SGK3: variants seen among roughly 807,000 people sequenced by gnomAD.
SGK3 encodes the protein serum/glucocorticoid regulated kinase family member 3, also known as serine/threonine-protein kinase Sgk3.
In SGK3, 47 loss-of-function variants were observed where a neutral mutation model predicts 68.5. That is an observed-to-expected ratio of 0.69 (90% CI 0.54 to 0.87). The LOEUF is 0.87. Ranked by LOEUF, SGK3 falls within the 40% of genes least tolerant of loss-of-function variation. SGK3 has a pLI of 0.00. For synonymous variants in SGK3, 181 were observed against 189.1 expected (o/e 0.96, Z 0.35); for missense variants, 479 against 575.5 (o/e 0.83, Z 1.72).
chr8:66,796,352 T>A (rs1296567627), intron 2 of SGK3, among the ~76,000 whole-genome samples: 12 of 137,722 alleles, frequency 8.7e-5, no homozygotes, highest in Non-Finnish European at 1.2e-4. Flanking sequence ...TTTTTTTTTT[T>A]AGAAGGGACT....
At chr8:66,834,184 A>G (rs952733897) in intron 8 of SGK3, among the ~76,000 whole-genome samples, 2 of 152,254 alleles carry the variant, frequency 1.3e-5, no homozygotes, top group Non-Finnish European at 2.9e-5. Flanking sequence ...GCAAGAGAGT[A>G]GATACATTGT....
chr8:66,854,388 A>G (rs1810414239), intron 16 of SGK3, among the ~76,000 whole-genome samples: 1 of 152,158 alleles, frequency 6.6e-6, no homozygotes, highest in East Asian at 1.9e-4. Context: ...ATAGAAAATA[A>G]TCCCTAAATT....
intron 16 of SGK3, among the ~76,000 whole-genome samples, chr8:66,851,855 A>T (rs747298239): frequency 6.6e-6 from 1 of 152,198 alleles, no homozygotes; most frequent in Non-Finnish European, 1.5e-5. Flanking sequence ...GTATAGGGAT[A>T]TACACTTTGT....
chr8:66,723,090 CATATATAT>C (rs1168038766), intron 1 of SGK3, among the ~76,000 whole-genome samples: 57 of 21,274 alleles, frequency 2.7e-3, no homozygotes, highest in East Asian at 0.012. Context: ...AGATTTTGTT[CATATATAT>C]ATATATATAT....
At chr8:66,783,846 A>G (rs977496937) in intron 1 of SGK3, among the ~76,000 whole-genome samples, 4 of 152,090 alleles carry the variant, frequency 2.6e-5, no homozygotes, top group African/African-American at 9.7e-5. Context: ...TTTCTGGTAC[A>G]TTATATTCTA....
chr8:66,793,286 C>G (rs1325574720), intron 1 of SGK3, among the ~76,000 whole-genome samples: 2 of 152,166 alleles, frequency 1.3e-5, no homozygotes, highest in African/African-American at 4.8e-5. Context: ...GCACACTTGA[C>G]CAGTTCATCC....
chr8:66,793,209 C>G (rs890322836), intron 1 of SGK3, among the ~76,000 whole-genome samples: 2 of 152,134 alleles, frequency 1.3e-5, no homozygotes, highest in African/African-American at 4.8e-5. Context: ...CTCTGTGTTT[C>G]AGTTGCCTCA....
chr8:66,839,836 T>C (rs1359825075), intron 10 of SGK3, 167 bp from the exon 11 acceptor site: 7 of 588,544 alleles, frequency 1.2e-5, no homozygotes, highest in Non-Finnish European at 1.5e-5. Context: ...GGTGGGGACA[T>C]GGATGAAGGG....
intron 1 of SGK3, among the ~76,000 whole-genome samples, chr8:66,713,266 T>G (rs540727973): frequency 3.9e-5 from 6 of 152,318 alleles, no homozygotes; most frequent in East Asian, 1.9e-4. Flanking sequence ...GTTGCGTCTT[T>G]TAAGTTCTCT....
At chr8:66,803,346 G>C (rs527535080) in intron 3 of SGK3, among the ~76,000 whole-genome samples, 1 of 151,876 alleles carries the variant, frequency 6.6e-6, no homozygotes, top group African/African-American at 2.4e-5. Context: ...TTTGTTTTTG[G>C]TGAGACAGGT....
At chr8:66,840,832 C>T in intron 12 of SGK3, 192 bp from the exon 13 acceptor site, 2 of 342,760 alleles carry the variant, frequency 5.8e-6, no homozygotes, top group Non-Finnish European at 1.0e-5. Flanking sequence ...GTCCCAGCTA[C>T]TCAGGAGACT....
At chr8:66,853,967 C>G (rs753581903) in intron 16 of SGK3, among the ~76,000 whole-genome samples, 2 of 152,190 alleles carry the variant, frequency 1.3e-5, no homozygotes, top group Non-Finnish European at 2.9e-5. Flanking sequence ...AAACAAGTGC[C>G]TCCAAAATAA....
At chr8:66,737,436 A>G (rs1805352846) in intron 1 of SGK3, 2 of 152,006 alleles carry the variant, frequency 1.3e-5, no homozygotes, top group South Asian at 4.1e-4. Flanking sequence ...GACTCCTGAT[A>G]TTAGGTGATA....
intron 5 of SGK3, among the ~76,000 whole-genome samples, chr8:66,821,014 C>T (rs1362975364): frequency 6.6e-6 from 1 of 152,106 alleles, no homozygotes; most frequent in Non-Finnish European, 1.5e-5. Context: ...CTAAGGCCTC[C>T]TCTTTTTAAA....
intron 10 of SGK3, among the ~76,000 whole-genome samples, chr8:66,839,170 C>G (rs368443361): frequency 6.6e-6 from 1 of 151,974 alleles, no homozygotes; most frequent in East Asian, 1.9e-4. Context: ...ATGGAATTCA[C>G]CAAGACTCAA....
intron 1 of SGK3, among the ~76,000 whole-genome samples, chr8:66,744,333 G>A (rs956551685): frequency 6.6e-6 from 1 of 150,998 alleles, no homozygotes; most frequent in Non-Finnish European, 1.5e-5. Flanking sequence ...CTCTCTGGAA[G>A]CTTCTAATAT....
intron 1 of SGK3, among the ~76,000 whole-genome samples, chr8:66,786,339 TGG>T (rs1176308696): frequency 4.6e-5 from 7 of 152,348 alleles, no homozygotes; most frequent in African/African-American, 1.7e-4. Flanking sequence ...TTCTGCCATC[TGG>T]GGCAGGGTCC....
At chr8:66,763,626 A>G (rs1310259321) in intron 1 of SGK3, among the ~76,000 whole-genome samples, 1 of 152,042 alleles carries the variant, frequency 6.6e-6, no homozygotes, top group East Asian at 1.9e-4. Flanking sequence ...ACATATAAAT[A>G]TATATGTGTA....
intron 1 of SGK3, among the ~76,000 whole-genome samples, chr8:66,724,711 A>T (rs1286302830): frequency 3.3e-5 from 5 of 152,268 alleles, no homozygotes; most frequent in Non-Finnish European, 4.4e-5. Flanking sequence ...GAGATGCAGA[A>T]CATTGTGTAT....
Sources: allele counts gnomAD v4.1 joint callset (sites outside exome capture counted in the v4.1 genomes callset), GRCh38; gene constraint gnomAD v4.1.1; transcripts MANE v1.5; gene names NCBI Gene and HGNC (gene_info 2026-07-23, HGNC 2026-07-21).